The following VOPP1 variants were observed in gnomAD, a reference collection of about 807,000 sequenced individuals.
The protein encoded by VOPP1 is WW domain binding protein VOPP1.
A neutral mutation model predicts 23.5 loss-of-function variants in VOPP1; 8 were observed. The ratio of observed to expected loss-of-function variants is 0.34; its 90% CI spans 0.20 to 0.61. The LOEUF is 0.61. VOPP1 is among the 20% of genes least tolerant of loss of function. VOPP1 has a pLI of 0.78. For missense variants in VOPP1, 174 were observed against 238.1 expected (o/e 0.73, Z 1.77); for synonymous variants, 83 against 97.3 (o/e 0.85, Z 0.86).
At chr7:55,537,692 T>C (rs1671761751) in intron 1 of VOPP1, 2 of 1,458,022 alleles carry the variant, frequency 1.4e-6, no homozygotes, top group Admixed American at 2.4e-5. Context: ...GGTGAGAACA[T>C]CTACCATGGA....
intron 1 of VOPP1, among the ~76,000 whole-genome samples, chr7:55,560,372 T>A (rs534367521): frequency 6.6e-6 from 1 of 152,282 alleles, no homozygotes; most frequent in South Asian, 2.1e-4. Flanking sequence ...ATGAGGAGAT[T>A]ATGCTGGGTA....
At chr7:55,449,533 C>T (rs1360935219) in intron 4 of VOPP1, among the ~76,000 whole-genome samples, 2 of 152,228 alleles carry the variant, frequency 1.3e-5, no homozygotes, top group African/African-American at 4.8e-5. Context: ...GGCCAGCGGG[C>T]GCAGGACAGA....
At chr7:55,493,452 G>A (rs1344486038) in intron 3 of VOPP1, among the ~76,000 whole-genome samples, 1 of 152,236 alleles carries the variant, frequency 6.6e-6, no homozygotes, top group Non-Finnish European at 1.5e-5. Flanking sequence ...GTACGATAAA[G>A]CCTTTGAGAA....
intron 1 of VOPP1, among the ~76,000 whole-genome samples, chr7:55,531,150 C>T (rs1315404284): frequency 1.3e-5 from 2 of 152,210 alleles, no homozygotes; most frequent in African/African-American, 2.4e-5. Flanking sequence ...TGCCACAAAA[C>T]ATCATTCATT....
chr7:55,491,858 C>T (rs1256045359), intron 4 of VOPP1, among the ~76,000 whole-genome samples: 1 of 152,020 alleles, frequency 6.6e-6, no homozygotes, highest in African/African-American at 2.4e-5. Flanking sequence ...CATGAGAAAA[C>T]AAAACAAATT....
intron 4 of VOPP1, among the ~76,000 whole-genome samples, chr7:55,461,184 A>G (rs566487231): frequency 2.6e-5 from 4 of 152,218 alleles, no homozygotes; most frequent in Non-Finnish European, 5.9e-5. Flanking sequence ...GAGCTAAGCT[A>G]TGAGGATGAA....
At chr7:55,447,124 C>A (rs943878386) in intron 4 of VOPP1, among the ~76,000 whole-genome samples, 1 of 152,188 alleles carries the variant, frequency 6.6e-6, no homozygotes, top group African/African-American at 2.4e-5. Flanking sequence ...AAAACTGTGT[C>A]ATGTGATGCC....
intron 2 of VOPP1, among the ~76,000 whole-genome samples, chr7:55,519,906 T>C (rs112359252): frequency 3.3e-5 from 5 of 152,156 alleles, no homozygotes; most frequent in African/African-American, 4.8e-5. Context: ...GGCAGGCAGA[T>C]TGCTTGAGGA....
At chr7:55,527,343 G>C (rs944063395) in intron 1 of VOPP1, among the ~76,000 whole-genome samples, 3 of 152,138 alleles carry the variant, frequency 2.0e-5, no homozygotes, top group Non-Finnish European at 4.4e-5. Flanking sequence ...CCATTTCTTA[G>C]AGGGAAGAAA....
At chr7:55,549,272 A>G (rs1797499311) in intron 1 of VOPP1, among the ~76,000 whole-genome samples, 1 of 152,242 alleles carries the variant, frequency 6.6e-6, no homozygotes, top group African/African-American at 2.4e-5. Flanking sequence ...AAAAAGATGA[A>G]CAAGGGGTCT....
At chr7:55,504,570 T>C (rs1794585598) in intron 2 of VOPP1, among the ~76,000 whole-genome samples, 1 of 152,070 alleles carries the variant, frequency 6.6e-6, no homozygotes, top group Non-Finnish European at 1.5e-5. Flanking sequence ...TGACTGACCT[T>C]CCCCTCCAAC....
intron 4 of VOPP1, among the ~76,000 whole-genome samples, chr7:55,465,386 T>C (rs1002889360): frequency 8.6e-5 from 13 of 152,030 alleles, no homozygotes; most frequent in Non-Finnish European, 1.3e-4. Context: ...ACAAGAACGG[T>C]AGGTGATGTG....
At chr7:55,449,227 C>T (rs1299781109) in intron 4 of VOPP1, among the ~76,000 whole-genome samples, 1 of 152,242 alleles carries the variant, frequency 6.6e-6, no homozygotes, top group Non-Finnish European at 1.5e-5. Context: ...GCCCGTGCCT[C>T]AGGCGGTCCC....
intron 4 of VOPP1, among the ~76,000 whole-genome samples, chr7:55,478,323 C>T (rs1792429899): frequency 6.6e-6 from 1 of 152,204 alleles, no homozygotes; most frequent in Middle Eastern, 3.4e-3. Context: ...ATGTGAGTGT[C>T]CCAAATGAAG....
chr7:55,539,899 G>GCACACACACACACACACA (rs60831624), intron 1 of VOPP1, among the ~76,000 whole-genome samples: 2 of 139,250 alleles, frequency 1.4e-5, no homozygotes, highest in South Asian at 2.5e-4. Flanking sequence ...CATAAGCGCT[G>GCACACACACACACACACA]CACACACACA....
intron 1 of VOPP1, among the ~76,000 whole-genome samples, chr7:55,550,294 C>T (rs1383859487): frequency 6.6e-6 from 1 of 152,220 alleles, no homozygotes; most frequent in African/African-American, 2.4e-5. Flanking sequence ...TCTGCCAACA[C>T]AGATTGTAAA....
intron 1 of VOPP1, among the ~76,000 whole-genome samples, chr7:55,546,749 C>G (rs1488354620): frequency 6.6e-6 from 1 of 152,216 alleles, no homozygotes. Flanking sequence ...CACCACCACC[C>G]CTGAATTAAG....
At chr7:55,474,440 A>T (rs923710834) in intron 4 of VOPP1, among the ~76,000 whole-genome samples, 1 of 152,236 alleles carries the variant, frequency 6.6e-6, no homozygotes, top group African/African-American at 2.4e-5. Flanking sequence ...TGAATATTAG[A>T]GAAAAAATGG....
chr7:55,467,013 T>C (rs815937), downstream of VOPP1, among the ~76,000 whole-genome samples: 136,289 of 152,108 alleles, frequency 0.9, 61,241 homozygotes, highest in African/African-American at 0.93. Context: ...CTCAGATCAT[T>C]AGGCATTAGA....
Sources: allele counts gnomAD v4.1 joint callset (sites outside exome capture counted in the v4.1 genomes callset), GRCh38; gene constraint gnomAD v4.1.1; transcripts MANE v1.5; gene names NCBI Gene and HGNC (gene_info 2026-07-23, HGNC 2026-07-21).